The following MYO9A variants were observed in gnomAD, a reference collection of about 807,000 sequenced individuals.
MYO9A encodes myosin IXA, also known as unconventional myosin-IXa.
A neutral mutation model predicts 293.3 loss-of-function variants in MYO9A; 103 were observed. The observed-to-expected ratio is 0.35, with a 90% CI of 0.30 to 0.41. The LOEUF (loss-of-function observed/expected upper bound fraction) is 0.41. Ranked by LOEUF, MYO9A falls within the 10% of genes least tolerant of loss-of-function variation. The pLI is 1.00. For missense variants in MYO9A, 2,685 were observed against 3,033.0 expected (o/e 0.89, Z 2.69); for synonymous variants, 1,001 against 1,035.7 (o/e 0.97, Z 0.64).
At chr15:71,929,479 C>T (rs1010030353) in intron 18 of MYO9A, among the ~76,000 whole-genome samples, 1 of 152,138 alleles carries the variant, frequency 6.6e-6, no homozygotes, top group African/African-American at 2.4e-5. Context: ...ATACCTAATT[C>T]GTTGAGCTTT....
chr15:71,912,773 CAT>C (rs1417079101), intron 19 of MYO9A, among the ~76,000 whole-genome samples: 4 of 152,170 alleles, frequency 2.6e-5, no homozygotes, highest in African/African-American at 7.2e-5. Context: ...ATTCACCACA[CAT>C]AGAATTCTAG....
rs142269501 is a variant in MYO9A, at chr15:71,937,724, G to A, written c.2378+1128C>T. Among the ~76,000 whole-genome samples, 6 of 152,160 alleles carry A rather than the reference G, an allele frequency of 3.9e-5. No individual in the cohort carries two copies. The East Asian group carries it at 1.2e-3, about 29-fold the overall frequency. ...CAAAATGGAAAGTACAAAGAAAGAA[G>A]CACAAACTAGAAATTAGGAAACTTA... On this transcript the variant is annotated intron_variant, in intron 16 of 41. Transcript: ENST00000356056.
intron 32 of MYO9A, among the ~76,000 whole-genome samples, chr15:71,866,642 A>G (rs1171367716): frequency 3.3e-5 from 5 of 152,206 alleles, no homozygotes; most frequent in Non-Finnish European, 5.9e-5. Context: ...TCTCTACATT[A>G]ATTTATAAAT....
chr15:72,026,074 C>A (rs949243897), intron 4 of MYO9A, among the ~76,000 whole-genome samples: 1 of 151,660 alleles, frequency 6.6e-6, no homozygotes, highest in East Asian at 1.9e-4. Flanking sequence ...GAGATCGAGA[C>A]CATCCTGGAT....
intron 13 of MYO9A, among the ~76,000 whole-genome samples, chr15:71,963,524 C>T (rs2075795777): frequency 6.6e-6 from 1 of 152,284 alleles, no homozygotes; most frequent in Admixed American, 6.5e-5. Context: ...TCTTGGCTCA[C>T]CGCAACCTCC....
chr15:72,019,121 T>A, intron 5 of MYO9A, 26 bp from the exon 6 acceptor site: 6 of 1,580,718 alleles, frequency 3.8e-6, no homozygotes, highest in Non-Finnish European at 5.2e-6. Context: ...ATTAGTTAGG[T>A]AGAAGTAATG....
In MYO9A at chr15:71,898,140, G is replaced by C; in HGVS notation, c.4363C>G (p.Leu1455Val). The C allele has an allele frequency of 2.5e-6, 4 of 1,614,102 alleles. No homozygotes were observed. Among genetic ancestry groups the C allele is most frequent in the Non-Finnish European group, 3.4e-6 (4 of 1,180,034 alleles). The change falls in exon 25 of 42, where the codon CTT becomes GTT. Residue 1455 changes from leucine to valine, a missense_variant. Physicochemically the swap from Leu to Val is conservative, Grantham distance 32 (BLOSUM62 1). Coordinates refer to ENST00000356056, the MANE Select transcript of MYO9A (RefSeq NM_006901.4). ...GTTTCCCTGTTGATATCCAAAGTAAGAGCTTCCCCCGCTGTGTCTTCATTT... is the reference window on the plus strand; with the variant it reads ...GTTTCCCTGTTGATATCCAAAGTAACAGCTTCCCCCGCTGTGTCTTCATTT... ...LENEDTAGEA[L>V]TLDINRETRR...
At chr15:71,833,725 T>C (rs1351085298) in intron 39 of MYO9A, among the ~76,000 whole-genome samples, 1 of 152,050 alleles carries the variant, frequency 6.6e-6, no homozygotes. Context: ...TTTCTAATAA[T>C]GTAGTTACAA....
chr15:71,848,822 C>G, intron 39 of MYO9A, 23 bp downstream of exon 39: 2 of 1,586,352 alleles, frequency 1.3e-6, no homozygotes, highest in Admixed American at 1.9e-5. Flanking sequence ...CATTTTTCCA[C>G]TATTCCATGT....
intron 15 of MYO9A, chr15:71,950,421 C>A (rs1269300670): frequency 1.3e-5 from 2 of 152,022 alleles, no homozygotes; most frequent in African/African-American, 4.8e-5. Flanking sequence ...AGCAAATAAA[C>A]CATTTGCAAC....
chr15:71,852,274 A>G lies in MYO9A; in HGVS notation c.6347-14T>C. ...CACTCTCAGCATCTATTTAGAGACA[A>G]GAGTTAGATTAACAGAGCCAAAACA... On this transcript the variant is annotated splice_polypyrimidine_tract_variant and intron_variant, in intron 35 of 41. Coordinates refer to ENST00000356056, the MANE Select transcript of MYO9A (RefSeq NM_006901.4). 6.3e-7 allele frequency: 1 copy of G among 1,592,448 alleles called. No homozygotes were observed.
chr15:71,936,166 A>C (rs1450503986), intron 16 of MYO9A, among the ~76,000 whole-genome samples: 2 of 152,174 alleles, frequency 1.3e-5, no homozygotes, highest in Non-Finnish European at 2.9e-5. Context: ...TCATTTGGAC[A>C]ACATGGACAA....
intron 39 of MYO9A, among the ~76,000 whole-genome samples, chr15:71,833,581 T>C (rs2054817585): frequency 2.0e-5 from 3 of 152,126 alleles, no homozygotes; most frequent in Admixed American, 6.5e-5. Flanking sequence ...GAACTTGATA[T>C]AAGCAATCTA....
chr15:71,959,947 C>T lies in MYO9A; in HGVS notation c.2136G>A (p.Met712Ile), dbSNP rs149612475. The change falls in exon 14 of 42, where the codon ATG becomes ATA. Residue 712 changes from methionine (M) to isoleucine (I), a missense_variant. Met to Ile is a conservative substitution (Grantham distance 10). Coordinates refer to ENST00000356056, the MANE Select transcript of MYO9A (RefSeq NM_006901.4). ...TTTTCCCAGCTTCCCTGAAAGCAAC[C>T]ATGGCTCTGAAAAAAGCTCGGAGAA... ...WAILRAFFRA[M>I]VAFREAGKRN... is the part of the protein sequence containing the mutation. 439 of 1,613,806 alleles carry T rather than the reference C, an allele frequency of 2.7e-4. No homozygotes were observed. The African/African-American group carries it at 5.3e-3, about 19-fold the overall frequency.
intron 1 of MYO9A, among the ~76,000 whole-genome samples, chr15:72,065,620 T>C (rs376466307): frequency 2.0e-5 from 3 of 150,482 alleles, no homozygotes; most frequent in Admixed American, 2.0e-4. Context: ...AAATAATAAA[T>C]TTGACTTTAT....
At chr15:71,895,052 C>T (rs1394595319) in intron 25 of MYO9A, among the ~76,000 whole-genome samples, 1 of 152,118 alleles carries the variant, frequency 6.6e-6, no homozygotes, top group African/African-American at 2.4e-5. Flanking sequence ...ATTATCTTGC[C>T]CTTTGCCTCT....
intron 18 of MYO9A, among the ~76,000 whole-genome samples, chr15:71,930,191 G>T (rs1249853771): frequency 1.3e-5 from 2 of 152,140 alleles, no homozygotes; most frequent in African/African-American, 4.8e-5. Context: ...TGACTGAAAT[G>T]TTCTGTATAT....
chr15:71,825,537 C>CTTACT lies in MYO9A; in HGVS notation c.*1038_*1042dup, dbSNP rs1555456554. The CTTACT allele has an allele frequency of 2.0e-5, 3 of 152,108 alleles. No homozygotes were observed. Among genetic ancestry groups the CTTACT allele is most frequent in the African/African-American group, 7.2e-5 (3 of 41,412 alleles). 9.4% of individuals were successfully genotyped at this position (152,108 alleles called of 1,614,324 possible). On this transcript the variant is annotated 3_prime_UTR_variant, in exon 42 of 42. Coordinates refer to ENST00000356056, the MANE Select transcript of MYO9A (RefSeq NM_006901.4). ...TATTTTTTGGCAGCTTTCTGTAACA[C>CTTACT]TTACTTACTTATTCATGCAATATTG...
intron 36 of MYO9A, 146 bp from the exon 37 acceptor site, chr15:71,851,504 T>C: frequency 1.9e-6 from 1 of 534,696 alleles, no homozygotes. Flanking sequence ...CAACTCACAG[T>C]AACTATTTAA....
Sources: allele counts gnomAD v4.1 joint callset (sites outside exome capture counted in the v4.1 genomes callset), GRCh38; gene constraint gnomAD v4.1.1; transcripts MANE v1.5; gene names NCBI Gene and HGNC (gene_info 2026-07-23, HGNC 2026-07-21).